Variants in IL6ST observed in about 807,000 individuals in gnomAD.
IL6ST encodes the protein interleukin-6 receptor subunit beta.
Under a neutral mutation model 91.3 loss-of-function variants are expected in IL6ST, and 24 were observed. That is an observed-to-expected ratio of 0.26 (90% CI 0.19 to 0.37). The LOEUF (loss-of-function observed/expected upper bound fraction) is 0.37, where lower values mean the gene tolerates loss of function less well. Ranked by LOEUF, IL6ST falls within the 10% of genes least tolerant of loss-of-function variation. The pLI, the probability that IL6ST is intolerant of heterozygous loss-of-function variation, is 1.00. For missense variants in IL6ST, 914 were observed against 1,078.5 expected (o/e 0.85, Z 2.14); for synonymous variants, 351 against 373.6 (o/e 0.94, Z 0.70).
At chr5:55,952,688 G>A (rs1051855370) in intron 11 of IL6ST, among the ~76,000 whole-genome samples, 1 of 152,130 alleles carries the variant, frequency 6.6e-6, no homozygotes, top group Non-Finnish European at 1.5e-5. Flanking sequence ...ACAGCCTAAG[G>A]AGCAAGACGA....
chr5:55,960,845 GGTCT>G (rs1752268525), intron 7 of IL6ST, among the ~76,000 whole-genome samples: 1 of 152,122 alleles, frequency 6.6e-6, no homozygotes, highest in Non-Finnish European at 1.5e-5. Flanking sequence ...TGGCCGGGCT[GGTCT>G]GTAACTCCTG....
rs570812228 is a variant in IL6ST, at chr5:55,942,557, T to C, written c.2019+113A>G. On this transcript the variant is annotated intron_variant, in intron 16 of 16. Transcript: ENST00000381298. ...TTTACTTTTTGATTCAGCTTGAATATCTTATCTTTTGGTACATTTGTAGAT... is the reference window on the plus strand; with the variant it reads ...TTTACTTTTTGATTCAGCTTGAATACCTTATCTTTTGGTACATTTGTAGAT... The C allele has an allele frequency of 7.8e-5, 42 of 540,734 alleles. 3 individuals are homozygous for C. In the Middle Eastern group the frequency reaches 1.4e-3, roughly 19 times the overall value. The allele number at this position is 540,734 out of a possible 1,614,324, so 33.5% of individuals were successfully genotyped here. A position where few individuals can be genotyped will look rare whatever the true frequency, so the allele number is the denominator to read the frequency against.
At chr5:55,966,792 T>C (rs893849514) in intron 5 of IL6ST, among the ~76,000 whole-genome samples, 5 of 152,052 alleles carry the variant, frequency 3.3e-5, no homozygotes, top group Non-Finnish European at 5.9e-5. Flanking sequence ...AACTTTTCTG[T>C]TTGGAAAAAA....
Position 55,939,006 on chromosome 5 carries a change from A to G in IL6ST, c.*2076T>C. On this transcript the variant is annotated 3_prime_UTR_variant, in exon 17 of 17. Transcript: ENST00000381298. ...CCTGTAGATTAAGAGTTCATATTGT[A>G]TATCTGACCCTGAAATGTACAAACT... is the stretch of plus-strand genomic sequence containing the variant. The G allele has an allele frequency of 4.9e-6, 1 of 205,182 alleles. No homozygotes were observed. The highest frequency in any genetic ancestry group is 1.0e-5 in the Non-Finnish European group (1 of 100,194). The allele number at this position is 205,182 out of a possible 1,614,324, so 12.7% of individuals were successfully genotyped here. A position where few individuals can be genotyped will look rare whatever the true frequency, so the allele number is the denominator to read the frequency against.
intron 15 of IL6ST, chr5:55,944,657 T>C (rs1027304888): frequency 3.0e-6 from 3 of 995,492 alleles, no homozygotes; most frequent in Admixed American, 2.0e-5. Context: ...CTCGGCGCCA[T>C]GAGAGCCAAG....
chr5:55,981,499 C>T (rs541606406), intron 2 of IL6ST, among the ~76,000 whole-genome samples: 7 of 151,956 alleles, frequency 4.6e-5, no homozygotes, highest in Non-Finnish European at 8.8e-5. Flanking sequence ...AAAAATTAGC[C>T]GGGCATGGTG....
intron 4 of IL6ST, 111 bp downstream of exon 4, chr5:55,969,439 C>T (rs1347079342): frequency 1.4e-6 from 1 of 697,430 alleles, no homozygotes; most frequent in Non-Finnish European, 2.3e-6. Flanking sequence ...CAAACATGTC[C>T]AAGTCACTAA....
At chr5:55,961,322 G>A (rs188654680) in intron 7 of IL6ST, among the ~76,000 whole-genome samples, 51 of 152,246 alleles carry the variant, frequency 3.3e-4, no homozygotes, top group African/African-American at 1.2e-3. Flanking sequence ...CAGAGTATAT[G>A]GAATCCTTAG....
Position 55,935,792 on chromosome 5 carries a change from T to C in IL6ST, c.*5290A>G, listed in dbSNP as rs533073366. ...AAAGCTTAAATGGAAAGTTAAGCAA[T>C]CCTGAACAAGAAAACTCTCTCACTG... On this transcript the variant is annotated 3_prime_UTR_variant, in exon 17 of 17. Transcript: ENST00000381298. 1.5e-4 allele frequency: 33 copies of C among 216,844 alleles called. No homozygotes were observed. Among genetic ancestry groups the C allele is most frequent in the African/African-American group, 7.0e-4 (31 of 44,550 alleles). The allele number at this position is 216,844 out of a possible 1,614,324, so 13.4% of individuals were successfully genotyped here.
At position 55,939,010 on chromosome 5, in the gene IL6ST, C is replaced by G. The variant is rs1750708525; in HGVS notation, c.*2072G>C. The G allele has an allele frequency of 4.9e-6, 1 of 204,934 alleles. No individual in the cohort carries two copies. The highest frequency in any genetic ancestry group is 1.9e-4 in the South Asian group (1 of 5,284). 12.7% of individuals were successfully genotyped at this position (204,934 alleles called of 1,614,324 possible). On this transcript the variant is annotated 3_prime_UTR_variant, in exon 17 of 17. Transcript: ENST00000381298. The stretch of plus-strand genomic sequence containing the variant: ...TAGATTAAGAGTTCATATTGTATAT[C>G]TGACCCTGAAATGTACAAACTTCAC...
At chr5:55,993,632 TTCTC>T (rs2111965974) in intron 1 of IL6ST, among the ~76,000 whole-genome samples, 1 of 152,356 alleles carries the variant, frequency 6.6e-6, no homozygotes, top group East Asian at 1.9e-4. Context: ...TTTTGACACT[TTCTC>T]CTTCCTGTAA....
intron 14 of IL6ST, among the ~76,000 whole-genome samples, chr5:55,947,824 AAT>A (rs1321687204): frequency 6.6e-6 from 1 of 152,170 alleles, no homozygotes; most frequent in Admixed American, 6.5e-5. Context: ...CATAGCATAA[AAT>A]ATATGTTGGT....
At chr5:55,960,214 A>C (rs1217696328) in intron 8 of IL6ST, among the ~76,000 whole-genome samples, 188 bp downstream of exon 8, 1 of 152,050 alleles carries the variant, frequency 6.6e-6, no homozygotes, top group Non-Finnish European at 1.5e-5. Flanking sequence ...TATCAAATAG[A>C]CTTATACTAT....
intron 1 of IL6ST, among the ~76,000 whole-genome samples, chr5:55,984,168 T>G (rs542287331): frequency 2.0e-5 from 3 of 152,382 alleles, no homozygotes; most frequent in Admixed American, 6.5e-5. Context: ...ATACACAATA[T>G]GTAAATAAGT....
Position 55,941,276 on chromosome 5 carries a change from G to T in IL6ST, c.2563C>A (p.His855Asn), listed in dbSNP as rs778300992. 3.0e-5 allele frequency: 49 copies of T among 1,613,936 alleles called. No homozygotes were observed. The highest frequency in any genetic ancestry group is 6.8e-6 in the Non-Finnish European group (8 of 1,179,940). The change falls in exon 17 of 17, where the codon CAT becomes AAT. Residue 855 changes from histidine (H) to asparagine (N), a missense_variant. His to Asn is a moderately conservative substitution (Grantham distance 68). Coordinates refer to ENST00000381298, the MANE Select transcript of IL6ST (RefSeq NM_002184.4). ...CCAGATCCACAGGATTGTGAAATAT[G>T]ATCTGAAATCTGCTGTTTAAGTCTA... ...FVRLKQQISD[H>N]ISQSCGSGQM...
At chr5:55,948,992 G>A (rs1250916985) in intron 14 of IL6ST, 6 of 151,702 alleles carry the variant, frequency 4.0e-5, no homozygotes, top group African/African-American at 1.5e-4. Flanking sequence ...ACTACAGATA[G>A]AGAATTGAAA....
At chr5:55,953,766 A>G (rs1222962684) in intron 11 of IL6ST, among the ~76,000 whole-genome samples, 1 of 152,212 alleles carries the variant, frequency 6.6e-6, no homozygotes. Context: ...AGGTAAAAGA[A>G]TCGCTTGAGG....
chr5:55,961,591 C>T (rs1013773281), intron 7 of IL6ST, among the ~76,000 whole-genome samples: 1 of 152,078 alleles, frequency 6.6e-6, no homozygotes, highest in Admixed American at 6.5e-5. Context: ...AACCCCATCT[C>T]TACTAAAAAC....
chr5:55,974,682 T>G (rs540453316), intron 3 of IL6ST, among the ~76,000 whole-genome samples: 16 of 152,102 alleles, frequency 1.1e-4, no homozygotes, highest in Middle Eastern at 3.4e-3. Flanking sequence ...TACGGGGTTT[T>G]ACCATGTTGG....
Sources: allele counts gnomAD v4.1 joint callset (sites outside exome capture counted in the v4.1 genomes callset), GRCh38; gene constraint gnomAD v4.1.1; transcripts MANE v1.5; gene names NCBI Gene and HGNC (gene_info 2026-07-23, HGNC 2026-07-21).